The following STXBP5L variants were observed in gnomAD, a reference collection of about 807,000 sequenced individuals.
The protein encoded by STXBP5L is syntaxin binding protein 5L.
A neutral mutation model predicts 144.5 loss-of-function variants in STXBP5L; 65 were observed. The observed-to-expected ratio is 0.45, with a 90% confidence interval of 0.37 to 0.55. The LOEUF (loss-of-function observed/expected upper bound fraction) is 0.55, where lower values mean the gene tolerates loss of function less well. STXBP5L is among the 20% of genes least tolerant of loss of function. The pLI is 0.00. For synonymous variants in STXBP5L, 505 were observed against 469.6 expected (o/e 1.08, Z -0.97); for missense variants, 1,298 against 1,405.5 (o/e 0.92, Z 1.22).
chr3:121,016,101 A>G lies in STXBP5L; in HGVS notation c.288-25599A>G, dbSNP rs573946229. Among the ~76,000 whole-genome samples the G allele has an allele frequency of 6.2e-4, 94 of 152,328 alleles. 1 individual carries two copies. Among genetic ancestry groups the G allele is most frequent in the South Asian group, 1.7e-3 (8 of 4,830 alleles). On this transcript the variant is annotated intron_variant, in intron 3 of 26. Transcript: ENST00000471454. Reference sequence around the variant, plus strand: ...TCTGGCATATATGGCTATAGCACACATCAAGTGCACTTACACAGATTAACG... The same window carrying G: ...TCTGGCATATATGGCTATAGCACACGTCAAGTGCACTTACACAGATTAACG...
intron 5 of STXBP5L, among the ~76,000 whole-genome samples, chr3:121,092,213 C>T (rs1254470636): frequency 3.9e-5 from 6 of 151,992 alleles, no homozygotes; most frequent in African/African-American, 1.5e-4. Flanking sequence ...ATGATGCCTC[C>T]AGCTTTGTTC....
At chr3:121,342,748 G>A (rs571366426) in intron 20 of STXBP5L, among the ~76,000 whole-genome samples, 30 of 147,956 alleles carry the variant, frequency 2.0e-4, no homozygotes, top group Non-Finnish European at 3.7e-4. Context: ...GTCTATCATT[G>A]TTGGACATTT....
intron 3 of STXBP5L, among the ~76,000 whole-genome samples, chr3:120,991,777 CAG>C (rs1164249613): frequency 1.3e-5 from 2 of 148,972 alleles, no homozygotes; most frequent in Non-Finnish European, 2.9e-5. Flanking sequence ...CACATGGACA[CAG>C]GGTGGCAAAC....
intron 9 of STXBP5L, among the ~76,000 whole-genome samples, chr3:121,190,196 G>A (rs901846579): frequency 2.5e-4 from 38 of 152,186 alleles, no homozygotes; most frequent in African/African-American, 8.9e-4. Flanking sequence ...TAGGCAGAGG[G>A]CCCTGCGGCC....
chr3:120,916,994 G>A (rs1709133964), intron 2 of STXBP5L, among the ~76,000 whole-genome samples: 1 of 152,134 alleles, frequency 6.6e-6, no homozygotes, highest in African/African-American at 2.4e-5. Context: ...AATGCTTACA[G>A]TTGGTAAACA....
intron 2 of STXBP5L, among the ~76,000 whole-genome samples, chr3:120,949,309 A>G (rs771096340): frequency 2.0e-5 from 3 of 151,338 alleles, no homozygotes; most frequent in Non-Finnish European, 4.4e-5. Flanking sequence ...TAGATTCTGG[A>G]TATTAGTTGT....
At chr3:121,401,457 C>A (rs13083913) in intron 22 of STXBP5L, among the ~76,000 whole-genome samples, 1 of 145,554 alleles carries the variant, frequency 6.9e-6, no homozygotes, top group Non-Finnish European at 1.5e-5. Context: ...ATGTTTATTG[C>A]GGCACTATTC....
chr3:120,909,660 A>AGTG lies in STXBP5L; in HGVS notation c.90_92dup (p.Gly31dup), dbSNP rs766472739. The AGTG allele has an allele frequency of 6.2e-7, 1 of 1,613,714 alleles. No individual in the cohort carries two copies. Among genetic ancestry groups the AGTG allele is most frequent in the Non-Finnish European group, 8.5e-7 (1 of 1,179,870 alleles). On this transcript the variant is annotated inframe_insertion, in exon 2 of 27. Transcript: ENST00000471454. The stretch of plus-strand genomic sequence containing the variant: ...CAGTGGTAGCAGCAGTGGCAGTAAC[A>AGTG]GTGGTGGTGGGGCTGGAAGTGGTTC...
chr3:120,989,782 A>G (rs1217934430), intron 3 of STXBP5L, among the ~76,000 whole-genome samples: 3 of 151,994 alleles, frequency 2.0e-5, no homozygotes, highest in Non-Finnish European at 4.4e-5. Flanking sequence ...TAATGTTTTC[A>G]TTTGTCACAA....
At chr3:121,034,062 A>C (rs554927297) in intron 3 of STXBP5L, among the ~76,000 whole-genome samples, 1 of 152,262 alleles carries the variant, frequency 6.6e-6, no homozygotes, top group South Asian at 2.1e-4. Flanking sequence ...ATGAGCATCT[A>C]TAATATGCCA....
chr3:121,046,244 G>A (rs1405549827), intron 5 of STXBP5L, among the ~76,000 whole-genome samples: 3 of 152,084 alleles, frequency 2.0e-5, no homozygotes, highest in East Asian at 1.9e-4. Context: ...GCTTTTTCAC[G>A]TGCTGCAGGA....
chr3:120,960,747 C>G (rs1938680400), intron 3 of STXBP5L, among the ~76,000 whole-genome samples: 1 of 149,714 alleles, frequency 6.7e-6, no homozygotes, highest in Non-Finnish European at 1.5e-5. Flanking sequence ...ACATCACACC[C>G]TGGGGCCTGT....
At chr3:121,018,519 A>G (rs1020939054) in intron 3 of STXBP5L, among the ~76,000 whole-genome samples, 25 of 117,954 alleles carry the variant, frequency 2.1e-4, no homozygotes, top group Admixed American at 8.6e-4. Flanking sequence ...GGACATCCAT[A>G]TACCAAAAAA....
At chr3:121,149,876 TCTTTA>T (rs1446384266) in intron 7 of STXBP5L, among the ~76,000 whole-genome samples, 1 of 152,110 alleles carries the variant, frequency 6.6e-6, no homozygotes, top group Non-Finnish European at 1.5e-5. Flanking sequence ...TTTACTTTTT[TCTTTA>T]CTTTTCAAAG....
intron 10 of STXBP5L, among the ~76,000 whole-genome samples, chr3:121,208,262 T>G (rs2048417206): frequency 7.2e-6 from 1 of 139,044 alleles, no homozygotes; most frequent in Admixed American, 8.3e-5. Context: ...ATGTTCTCAC[T>G]CATAGGTGGG....
In STXBP5L at chr3:121,363,042, G is replaced by T. The variant is rs138937426; in HGVS notation, c.2177-15674G>T. On this transcript the variant is annotated intron_variant, in intron 20 of 26. Coordinates refer to ENST00000471454, the MANE Select transcript of STXBP5L (RefSeq NM_001308330.2). ...TAAGAAATTTTTTCTGAGAGATACG[G>T]CCTGGAATAGGGGCCTCAAGACTCT... Among the ~76,000 whole-genome samples the T allele has an allele frequency of 1.8e-4, 27 of 152,232 alleles. No individual in the cohort carries two copies. The East Asian group carries it at 5.0e-3, about 28-fold the overall frequency.
chr3:120,945,620 A>C (rs1006176509), intron 2 of STXBP5L, among the ~76,000 whole-genome samples: 1 of 151,826 alleles, frequency 6.6e-6, no homozygotes, highest in African/African-American at 2.4e-5. Flanking sequence ...CCTGAGATGC[A>C]TAGCCATGCC....
intron 20 of STXBP5L, among the ~76,000 whole-genome samples, chr3:121,331,798 A>T (rs1018826280): frequency 2.8e-4 from 42 of 152,162 alleles, no homozygotes; most frequent in African/African-American, 9.7e-4. Context: ...CAGTAAATAA[A>T]ATGTTGGGGA....
intron 11 of STXBP5L, among the ~76,000 whole-genome samples, chr3:121,225,157 C>T (rs944855758): frequency 2.0e-5 from 3 of 152,050 alleles, no homozygotes; most frequent in Non-Finnish European, 4.4e-5. Context: ...ATATCCACCT[C>T]AAGCAGAACC....
Sources: gnomAD v4.1 joint callset for allele counts (sites outside exome capture counted in the v4.1 genomes callset) on GRCh38, gnomAD v4.1.1 for gene constraint, MANE v1.5 for transcripts, NCBI Gene and HGNC (gene_info 2026-07-23, HGNC 2026-07-21) for gene names.